Variants in ROBO2 observed in about 807,000 individuals in gnomAD.
ROBO2 encodes roundabout homolog 2.
Under a neutral mutation model 160.8 loss-of-function variants are expected in ROBO2, and 53 were observed. The observed-to-expected ratio is 0.33, with a 90% confidence interval of 0.26 to 0.41. The LOEUF is 0.41. Among genes scored for constraint, ROBO2 ranks in the 10% least tolerant of loss-of-function variants. The probability of loss-of-function intolerance (pLI) is 1.00; values close to 1 mark genes in which losing one functional copy is unlikely to be tolerated. For synonymous variants in ROBO2, 664 were observed against 611.7 expected, an observed-to-expected ratio of 1.09 and a Z score of -1.26; for missense variants, 1,577 against 1,722.4, an observed-to-expected ratio of 0.92 and a Z score of 1.49.
intron 2 of ROBO2, among the ~76,000 whole-genome samples, chr3:75,962,859 A>T (rs1322403542): frequency 6.6e-6 from 1 of 151,770 alleles, no homozygotes; most frequent in Non-Finnish European, 1.5e-5. Context: ...TCTACAGATG[A>T]TGGGTAGGGT....
intron 2 of ROBO2, among the ~76,000 whole-genome samples, chr3:76,354,865 A>C (rs2108319088): frequency 6.6e-6 from 1 of 152,012 alleles, no homozygotes; most frequent in African/African-American, 2.4e-5. Context: ...GATTTTTTGT[A>C]AATTACTAAA....
intron 2 of ROBO2, among the ~76,000 whole-genome samples, chr3:77,462,657 A>G (rs1234193318): frequency 6.6e-6 from 1 of 152,218 alleles, no homozygotes; most frequent in South Asian, 2.1e-4. Flanking sequence ...GAATTTATAC[A>G]TTGGTAAACA....
chr3:75,957,079 C>T lies in ROBO2; in HGVS notation c.109+19477C>T, dbSNP rs112823182. Among the ~76,000 whole-genome samples, 955 of 151,480 alleles carry T rather than the reference C, an allele frequency of 6.3e-3. 12 individuals are homozygous for T. Among genetic ancestry groups the T allele is most frequent in the African/African-American group, 0.022 (926 of 41,366 alleles). The stretch of plus-strand genomic sequence containing the variant: ...ATTAATTTATTTTATGATAGTGTTG[C>T]TTAACTTAGTGTGCAAGGCCTACAA... On this transcript the variant is annotated intron_variant, in intron 2 of 26. Coordinates refer to the ROBO2 transcript ENST00000487694.
At chr3:76,663,569 C>T (rs979349064) in intron 2 of ROBO2, among the ~76,000 whole-genome samples, 4 of 152,102 alleles carry the variant, frequency 2.6e-5, no homozygotes, top group African/African-American at 9.7e-5. Context: ...AGACAAGTGA[C>T]TGATCATAAC....
intron 2 of ROBO2, among the ~76,000 whole-genome samples, chr3:76,105,977 A>T (rs1240988613): frequency 6.6e-6 from 1 of 152,130 alleles, no homozygotes; most frequent in Non-Finnish European, 1.5e-5. Context: ...CATTAAATTT[A>T]TGTCTTTACA....
At chr3:77,622,754 CT>C (rs1223178489) in intron 23 of ROBO2, among the ~76,000 whole-genome samples, 2 of 151,998 alleles carry the variant, frequency 1.3e-5, no homozygotes, top group African/African-American at 4.8e-5. Flanking sequence ...TAGAAATGAT[CT>C]TTTTTATATA....
chr3:76,311,961 G>A (rs562309238), intron 2 of ROBO2, among the ~76,000 whole-genome samples: 199 of 152,298 alleles, frequency 1.3e-3, no homozygotes, highest in African/African-American at 4.4e-3. Flanking sequence ...TTGAAGTGTT[G>A]TAATACATTT....
At chr3:77,214,985 C>G (rs1041037353) in intron 2 of ROBO2, among the ~76,000 whole-genome samples, 6 of 151,866 alleles carry the variant, frequency 4.0e-5, no homozygotes, top group African/African-American at 1.5e-4. Context: ...GTGGGTAACC[C>G]GACCTTTCTC....
chr3:76,589,303 TG>T (rs988970800), intron 2 of ROBO2, among the ~76,000 whole-genome samples: 8 of 151,996 alleles, frequency 5.3e-5, no homozygotes, highest in African/African-American at 9.6e-5. Context: ...CTTGGCTTTT[TG>T]TTTGTTTGTT....
At chr3:76,010,104 G>T (rs2066150025) in intron 2 of ROBO2, among the ~76,000 whole-genome samples, 1 of 152,194 alleles carries the variant, frequency 6.6e-6, no homozygotes, top group East Asian at 1.9e-4. Flanking sequence ...AATTCTCCAA[G>T]TATGTCTTTA....
chr3:75,988,912 ATAT>A (rs1209029047), intron 2 of ROBO2, among the ~76,000 whole-genome samples: 3 of 151,770 alleles, frequency 2.0e-5, no homozygotes, highest in African/African-American at 4.8e-5. Flanking sequence ...TTTAACTTAA[ATAT>A]TATGAAAATT....
intron 2 of ROBO2, among the ~76,000 whole-genome samples, chr3:76,156,297 A>T (rs1028847066): frequency 6.6e-6 from 1 of 152,048 alleles, no homozygotes; most frequent in African/African-American, 2.4e-5. Context: ...GCTTAAAGTG[A>T]CAGAAAAAAA....
At chr3:77,589,324 A>G (rs1327015709) in intron 17 of ROBO2, among the ~76,000 whole-genome samples, 1 of 152,112 alleles carries the variant, frequency 6.6e-6, no homozygotes, top group African/African-American at 2.4e-5. Flanking sequence ...AATGTTCAGG[A>G]AAGAAGAAAA....
Position 76,941,589 on chromosome 3 carries a change from G to A in ROBO2, c.110-156425G>A, listed in dbSNP as rs561394183. Among the ~76,000 whole-genome samples, 19 of 152,148 alleles carry A rather than the reference G, an allele frequency of 1.2e-4. No individual in the cohort carries two copies. The South Asian group carries it at 3.3e-3, about 27-fold the overall frequency. ...TTGATGCATGATGTACAATTATTAC[G>A]TACCAATCATCGGAAGGCTCCATGT... On this transcript the variant is annotated intron_variant, in intron 2 of 26. Transcript: ENST00000487694.
chr3:76,228,837 G>C (rs1160186349), intron 2 of ROBO2, among the ~76,000 whole-genome samples: 2 of 152,068 alleles, frequency 1.3e-5, no homozygotes, highest in Non-Finnish European at 2.9e-5. Context: ...GAAAATATTT[G>C]GTTATTTCAA....
At chr3:77,428,560 G>C (rs112437568) in intron 2 of ROBO2, among the ~76,000 whole-genome samples, 1 of 151,112 alleles carries the variant, frequency 6.6e-6, no homozygotes, top group East Asian at 1.9e-4. Context: ...GTTTCACCTT[G>C]TTAGCCAGGA....
intron 2 of ROBO2, among the ~76,000 whole-genome samples, chr3:76,988,570 T>A (rs2060506607): frequency 5.9e-5 from 9 of 152,170 alleles, no homozygotes; most frequent in Admixed American, 5.9e-4. Context: ...TTCATCCTCC[T>A]TTCATTTCCT....
intron 1 of ROBO2, among the ~76,000 whole-genome samples, chr3:77,082,403 G>C (rs1221613488): frequency 6.6e-6 from 1 of 152,118 alleles, no homozygotes; most frequent in South Asian, 2.1e-4. Context: ...GCAAAGTCAT[G>C]GATTATGCTC....
chr3:77,188,968 T>TGTGTGTGAGA (rs550237793), intron 2 of ROBO2, among the ~76,000 whole-genome samples: 10 of 142,294 alleles, frequency 7.0e-5, no homozygotes, highest in Non-Finnish European at 1.6e-4. Flanking sequence ...TGTGTGTGTG[T>TGTGTGTGAGA]GAGAGAGAGA....
Sources: gnomAD v4.1 joint callset for allele counts (sites outside exome capture counted in the v4.1 genomes callset) on GRCh38, gnomAD v4.1.1 for gene constraint, MANE v1.5 for transcripts, NCBI Gene and HGNC (gene_info 2026-07-23, HGNC 2026-07-21) for gene names.